RBFOX1: variants seen among roughly 807,000 people sequenced by gnomAD.
RBFOX1 encodes RNA binding protein fox-1 homolog 1.
RBFOX1 carries 8 observed loss-of-function variants against 57.7 expected under a neutral mutation model. That is an observed-to-expected ratio of 0.14 (90% CI 0.08 to 0.25). The LOEUF is 0.25. RBFOX1 is among the 10% of genes least tolerant of loss of function. The probability of loss-of-function intolerance (pLI) is 1.00; values close to 1 mark genes in which losing one functional copy is unlikely to be tolerated. For missense variants in RBFOX1, 611 were observed against 548.5 expected, an observed-to-expected ratio of 1.11 and a Z score of -1.14; for synonymous variants, 326 against 222.4, an observed-to-expected ratio of 1.47 and a Z score of -4.15.
At chr16:6,562,852 C>T (rs1392093338) in intron 2 of RBFOX1, among the ~76,000 whole-genome samples, 4 of 43,606 alleles carry the variant, frequency 9.2e-5, no homozygotes, top group African/African-American at 7.0e-4. Flanking sequence ...TTCTTTCTTT[C>T]TTTCTTTCTT....
At chr16:5,419,911 G>A (rs2067264685) in intron 1 of RBFOX1, among the ~76,000 whole-genome samples, 1 of 152,136 alleles carries the variant, frequency 6.6e-6, no homozygotes, top group South Asian at 2.1e-4. Context: ...CCCTGGTCTT[G>A]CAGCCACAAG....
intron 3 of RBFOX1, among the ~76,000 whole-genome samples, chr16:6,990,041 T>C (rs1174805568): frequency 6.6e-6 from 1 of 152,130 alleles, no homozygotes; most frequent in Non-Finnish European, 1.5e-5. Flanking sequence ...CTACTTGAAA[T>C]ATGATTTAGC....
chr16:7,052,449 C>G (rs143981928), intron 4 of RBFOX1, among the ~76,000 whole-genome samples: 1 of 152,094 alleles, frequency 6.6e-6, no homozygotes, highest in Non-Finnish European at 1.5e-5. Flanking sequence ...ATATGAATAC[C>G]AGGCTGTTTG....
At chr16:5,921,195 G>A (rs2058813855) in intron 4 of RBFOX1, among the ~76,000 whole-genome samples, 1 of 152,194 alleles carries the variant, frequency 6.6e-6, no homozygotes, top group Non-Finnish European at 1.5e-5. Context: ...GAAAGCTAGA[G>A]AAACAAGAGT....
chr16:5,325,699 G>C (rs187926768), intron 1 of RBFOX1, among the ~76,000 whole-genome samples: 233 of 152,262 alleles, frequency 1.5e-3, no homozygotes, highest in African/African-American at 5.4e-3. Flanking sequence ...AACCTTTTCA[G>C]ACTAGCTGCT....
intron 2 of RBFOX1, among the ~76,000 whole-genome samples, chr16:5,543,372 C>G (rs1048898197): frequency 2.0e-5 from 3 of 152,076 alleles, no homozygotes; most frequent in South Asian, 2.1e-4. Flanking sequence ...AGATAGAACT[C>G]TGTGATATTT....
At chr16:6,427,180 A>G (rs986992071) in intron 2 of RBFOX1, among the ~76,000 whole-genome samples, 2 of 152,242 alleles carry the variant, frequency 1.3e-5, no homozygotes, top group Non-Finnish European at 2.9e-5. Context: ...AATGTTATAA[A>G]GTGAAGGTCT....
chr16:6,078,262 G>T (rs902420363), intron 1 of RBFOX1, among the ~76,000 whole-genome samples: 10 of 152,158 alleles, frequency 6.6e-5, no homozygotes, highest in African/African-American at 2.4e-4. Flanking sequence ...AGGGTTTCTA[G>T]TATATTATGT....
intron 2 of RBFOX1, among the ~76,000 whole-genome samples, chr16:5,477,800 A>C (rs1160876065): frequency 1.3e-5 from 2 of 152,206 alleles, no homozygotes; most frequent in African/African-American, 4.8e-5. Context: ...TCGTACTTGC[A>C]AAATGACGTG....
chr16:6,364,987 A>G (rs1371019146), intron 2 of RBFOX1, among the ~76,000 whole-genome samples: 2 of 152,120 alleles, frequency 1.3e-5, no homozygotes, highest in Non-Finnish European at 2.9e-5. Context: ...TGGGCATATG[A>G]CAGTATGTGT....
chr16:7,621,323 C>G (rs964636668), intron 10 of RBFOX1, among the ~76,000 whole-genome samples: 3 of 151,862 alleles, frequency 2.0e-5, no homozygotes, highest in Admixed American at 2.0e-4. Context: ...TGCAGTGGTG[C>G]AAGCTCAGTT....
At chr16:6,563,761 G>A (rs2097216333) in intron 2 of RBFOX1, among the ~76,000 whole-genome samples, 1 of 152,066 alleles carries the variant, frequency 6.6e-6, no homozygotes, top group Admixed American at 6.6e-5. Context: ...GGGAGGTGGA[G>A]GTTGCAGTGA....
intron 4 of RBFOX1, among the ~76,000 whole-genome samples, chr16:7,137,207 C>G (rs952730050): frequency 7.9e-5 from 12 of 152,184 alleles, no homozygotes; most frequent in African/African-American, 2.9e-4. Flanking sequence ...CTGGACTCTT[C>G]TGGTGCACAC....
At chr16:6,061,351 G>T (rs2095683895) in intron 1 of RBFOX1, among the ~76,000 whole-genome samples, 1 of 151,836 alleles carries the variant, frequency 6.6e-6, no homozygotes, top group African/African-American at 2.4e-5. Flanking sequence ...AGCGACAAGT[G>T]GTCAGATTTC....
Position 7,022,380 on chromosome 16 carries a change from G to T in RBFOX1, c.-15-29677G>T, listed in dbSNP as rs568034452. 1.2e-4 allele frequency among the ~76,000 whole-genome samples: 18 copies of T among 151,936 alleles called. No homozygotes were observed. The South Asian group carries it at 3.7e-3, about 32-fold the overall frequency. On this transcript the variant is annotated intron_variant, in intron 3 of 15. Coordinates refer to ENST00000550418, the MANE Select transcript of RBFOX1 (RefSeq NM_018723.4). ...CGTGAACCCCATATTCTTAAAGATGGTAGAGCTGGGATTCGAAGTCAGGTC... is the reference window on the plus strand; with the variant it reads ...CGTGAACCCCATATTCTTAAAGATGTTAGAGCTGGGATTCGAAGTCAGGTC...
chr16:6,708,994 C>A (rs1191968255), intron 3 of RBFOX1, among the ~76,000 whole-genome samples: 1 of 150,870 alleles, frequency 6.6e-6, no homozygotes, highest in Non-Finnish European at 1.5e-5. Context: ...TTTTTTTAAT[C>A]ATTTTTATTC....
At chr16:7,161,002 C>G (rs867706267) in intron 4 of RBFOX1, among the ~76,000 whole-genome samples, 35 of 152,180 alleles carry the variant, frequency 2.3e-4, no homozygotes, top group African/African-American at 7.5e-4. Flanking sequence ...CCTTTATTTT[C>G]TCTTTAGATG....
intron 4 of RBFOX1, among the ~76,000 whole-genome samples, chr16:7,053,238 T>C (rs566579923): frequency 6.6e-6 from 1 of 152,238 alleles, no homozygotes; most frequent in Middle Eastern, 3.4e-3. Context: ...GAGACAAGGT[T>C]TTCTGTTTCT....
In RBFOX1 at chr16:6,685,277, T is replaced by TTC. The variant is rs1555690651; in HGVS notation, c.-16+30628_-16+30629insCT. On this transcript the variant is annotated intron_variant, in intron 3 of 15. Transcript: ENST00000550418. ...ACTAAGAGAGGGAGAGTTTTTCTTT[T>TTC]TTTTTTTTTTTTTTTTGAGATGGAG... Among the ~76,000 whole-genome samples, 55 of 102,826 alleles carry TTC rather than the reference T, an allele frequency of 5.3e-4. 1 individual carries two copies. Among genetic ancestry groups the TTC allele is most frequent in the Non-Finnish European group, 7.4e-4 (32 of 43,034 alleles). The allele number at this position is 102,826 out of a possible 152,430, so 67.5% of individuals were successfully genotyped here.
Sources: gnomAD v4.1 joint callset for allele counts (sites outside exome capture counted in the v4.1 genomes callset) on GRCh38, gnomAD v4.1.1 for gene constraint, MANE v1.5 for transcripts, NCBI Gene and HGNC (gene_info 2026-07-23, HGNC 2026-07-21) for gene names.